The following SIRPG variants were observed in gnomAD, a reference collection of about 807,000 sequenced individuals.
SIRPG encodes the protein signal regulatory protein gamma.
In SIRPG, 38 loss-of-function variants were observed where a neutral mutation model predicts 35.7. That is an observed-to-expected ratio of 1.06 (90% confidence interval 0.82 to 1.40). The LOEUF is 1.40. Ranked by LOEUF, SIRPG falls within the 40% of genes most tolerant of loss-of-function variation. The probability of loss-of-function intolerance (pLI) is 0.00; values close to 1 mark genes in which losing one functional copy is unlikely to be tolerated. For synonymous variants in SIRPG, 215 were observed against 190.4 expected (o/e 1.13, Z -1.06); for missense variants, 519 against 483.0 (o/e 1.07, Z -0.70).
At chr20:1,648,921 G>A in intron 2 of SIRPG, 131 bp downstream of exon 2, 1 of 840,466 alleles carries the variant, frequency 1.2e-6, no homozygotes, top group South Asian at 1.6e-5. Flanking sequence ...CTGATCTGTA[G>A]AAGGGGGTGA....
At chr20:1,658,782 G>A (rs1244123584), upstream of SIRPG, among the ~76,000 whole-genome samples, 1 of 152,124 alleles carries the variant, frequency 6.6e-6, no homozygotes, top group South Asian at 2.1e-4. Context: ...GCTTTTGAAT[G>A]GATCCCTCCT....
At chr20:1,645,095 T>C (rs2091888013) in intron 2 of SIRPG, among the ~76,000 whole-genome samples, 2 of 152,170 alleles carry the variant, frequency 1.3e-5, no homozygotes, top group Non-Finnish European at 2.9e-5. Flanking sequence ...GTTTTCACGA[T>C]GGAAGGTCCT....
the SIRPG span, among the ~76,000 whole-genome samples, chr20:1,675,403 A>T: frequency 6.6e-6 from 1 of 152,202 alleles, no homozygotes; most frequent in African/African-American, 2.4e-5. Flanking sequence ...CTTTCTAAAG[A>T]GAGTGTAAAG....
chr20:1,638,327 C>T (rs1386723638), intron 2 of SIRPG: 3 of 152,184 alleles, frequency 2.0e-5, no homozygotes, highest in African/African-American at 4.8e-5. Flanking sequence ...TGGTATGCAG[C>T]AGGTGCTTAA....
In SIRPG at chr20:1,630,241, A is replaced by C. The variant is rs1160630685; in HGVS notation, c.1147T>G (p.Trp383Gly). 1 of 1,570,764 alleles carries C rather than the reference A, an allele frequency of 6.4e-7. No individual in the cohort carries two copies. The highest frequency in any genetic ancestry group is 8.6e-7 in the Non-Finnish European group (1 of 1,156,858). ...ACTTACAGTCAGGTCTTCTGCTTCC[A>C]GGGGACGTAGATGGGGCCCAGGAGG... ...AVLLGPIYVP[W>G]KQKT is the part of the protein sequence containing the mutation. Residue 383 changes from tryptophan to glycine, a missense_variant, in exon 5 of 6, where the codon TGG becomes GGG. By Grantham distance (184) the Trp-to-Gly change is radical. Coordinates refer to ENST00000303415, the MANE Select transcript of SIRPG (RefSeq NM_018556.4).
At chr20:1,670,193 TG>T in the SIRPG span, 1 of 259,836 alleles carries the variant, frequency 3.8e-6, no homozygotes, top group Non-Finnish European at 8.4e-6. Flanking sequence ...GACGTTCACC[TG>T]GTTCCCTGCC....
upstream of SIRPG, among the ~76,000 whole-genome samples, chr20:1,658,374 G>C (rs2091986490): frequency 2.0e-5 from 3 of 152,220 alleles, no homozygotes; most frequent in Admixed American, 6.5e-5. Context: ...GAGGTAATAA[G>C]CAACTGCTTT....
At chr20:1,686,306 G>A in the SIRPG span, among the ~76,000 whole-genome samples, 1 of 152,098 alleles carries the variant, frequency 6.6e-6, no homozygotes, top group Non-Finnish European at 1.5e-5. Context: ...CAGAGAGAAA[G>A]GGTTCTAGCC....
At chr20:1,648,980 A>C in intron 2 of SIRPG, 72 bp downstream of exon 2, 1 of 1,345,532 alleles carries the variant, frequency 7.4e-7, no homozygotes, top group East Asian at 2.3e-5. Context: ...ATTGTTGCTC[A>C]AAGAATGGAA....
At chr20:1,675,798 AAT>A in the SIRPG span, among the ~76,000 whole-genome samples, 52 of 152,326 alleles carry the variant, frequency 3.4e-4, no homozygotes, top group Non-Finnish European at 6.5e-4. Context: ...TCACAATGAA[AAT>A]CAGTCAGATT....
the SIRPG span, among the ~76,000 whole-genome samples, chr20:1,679,135 C>T: frequency 2.6e-5 from 4 of 152,156 alleles, no homozygotes; most frequent in African/African-American, 9.7e-5. Flanking sequence ...TGAGCACCCA[C>T]CACCACACCC....
chr20:1,650,359 C>G (rs1291808805), intron 1 of SIRPG, among the ~76,000 whole-genome samples: 1 of 152,016 alleles, frequency 6.6e-6, no homozygotes, highest in Non-Finnish European at 1.5e-5. Flanking sequence ...AGTACTAAAA[C>G]AGCAGGGATA....
At chr20:1,636,158 G>T (rs368382666) in intron 3 of SIRPG, 30 bp downstream of exon 3, 5 of 1,604,452 alleles carry the variant, frequency 3.1e-6, no homozygotes, top group Admixed American at 1.7e-5. Flanking sequence ...AGCCAGGTGT[G>T]GGCTTGGGCT....
At chr20:1,659,558 T>C (rs1214995424), upstream of SIRPG, among the ~76,000 whole-genome samples, 1 of 152,262 alleles carries the variant, frequency 6.6e-6, no homozygotes, top group African/African-American at 2.4e-5. Flanking sequence ...CATTTTTCTA[T>C]TGGTAATGTC....
chr20:1,642,132 A>C (rs1384195821), intron 2 of SIRPG, among the ~76,000 whole-genome samples: 1 of 152,212 alleles, frequency 6.6e-6, no homozygotes, highest in African/African-American at 2.4e-5. Flanking sequence ...GCTGAGTTCA[A>C]GCCCTGAATA....
chr20:1,647,744 G>C (rs2122533251), intron 2 of SIRPG: 1 of 152,346 alleles, frequency 6.6e-6, no homozygotes, highest in Middle Eastern at 3.4e-3. Context: ...TCCTGACGTG[G>C]AATCTCGATA....
upstream of SIRPG, among the ~76,000 whole-genome samples, chr20:1,662,610 TC>T (rs2091999070): frequency 1.3e-5 from 2 of 152,244 alleles, no homozygotes. Context: ...TATTTGAACT[TC>T]CTGCTACATT....
the SIRPG span, among the ~76,000 whole-genome samples, chr20:1,684,928 T>C: frequency 0.54 from 81,604 of 152,144 alleles, 22,116 homozygotes; most frequent in Admixed American, 0.59. Flanking sequence ...AAGAGCTCAA[T>C]TGCTGAACTC....
chr20:1,681,026 T>C, the SIRPG span, among the ~76,000 whole-genome samples: 32 of 152,344 alleles, frequency 2.1e-4, 1 homozygote, highest in East Asian at 5.6e-3. Flanking sequence ...ATCCAATAAA[T>C]ATGTGTATAA....
Sources: gnomAD v4.1 joint callset for allele counts (sites outside exome capture counted in the v4.1 genomes callset) on GRCh38, gnomAD v4.1.1 for gene constraint, MANE v1.5 for transcripts, NCBI Gene and HGNC (gene_info 2026-07-23, HGNC 2026-07-21) for gene names.